Variants in GALK2 observed in about 807,000 individuals in gnomAD.
The protein encoded by GALK2 is N-acetylgalactosamine kinase.
In GALK2, 36 loss-of-function variants were observed where a neutral mutation model predicts 52.4. That is an observed-to-expected ratio of 0.69 (90% CI 0.53 to 0.91). GALK2 has a LOEUF of 0.91. Among genes scored for constraint, GALK2 ranks in the 40% least tolerant of loss-of-function variants. The pLI is 0.00. For missense variants in GALK2, 579 were observed against 559.1 expected, an observed-to-expected ratio of 1.04 and a Z score of -0.36; for synonymous variants, 176 against 199.1, an observed-to-expected ratio of 0.88 and a Z score of 0.98.
chr15:49,239,213 A>G lies in GALK2; in HGVS notation c.358-8A>G. 6.2e-7 allele frequency: 1 copy of G among 1,612,800 alleles called. No individual in the cohort carries two copies. Among genetic ancestry groups the G allele is most frequent in the Middle Eastern group, 1.7e-4 (1 of 6,060 alleles). ...AATTACTGTTGCTGTTTTTCCTTAT[A>G]TTCTTAGGAACACTTTGGTCTTAGT... On this transcript the variant is annotated splice_polypyrimidine_tract_variant and splice_region_variant and intron_variant, in intron 4 of 9. Transcript: ENST00000560031.
At chr15:49,156,412 TC>T in intron 1 of GALK2, 2 of 439,154 alleles carry the variant, frequency 4.6e-6, no homozygotes, top group Non-Finnish European at 4.4e-6. Flanking sequence ...CCTCTCTCGC[TC>T]CCAGGCACCC....
chr15:49,218,255 C>T (rs547554485), intron 3 of GALK2, among the ~76,000 whole-genome samples: 3 of 152,036 alleles, frequency 2.0e-5, no homozygotes, highest in African/African-American at 4.8e-5. Flanking sequence ...CTTTTCATTT[C>T]GCATGTTTGA....
At chr15:49,223,469 C>T (rs929880631) in intron 3 of GALK2, among the ~76,000 whole-genome samples, 1 of 152,086 alleles carries the variant, frequency 6.6e-6, no homozygotes, top group African/African-American at 2.4e-5. Flanking sequence ...TACAGATGAT[C>T]CCATCACCCA....
intron 3 of GALK2, among the ~76,000 whole-genome samples, chr15:49,350,089 T>C (rs1301791370): frequency 6.6e-6 from 1 of 152,198 alleles, no homozygotes; most frequent in Admixed American, 6.5e-5. Context: ...GTGTTGGCTT[T>C]CTGATATCCC....
intron 8 of GALK2, among the ~76,000 whole-genome samples, chr15:49,312,712 A>AT (rs2036093724): frequency 6.6e-6 from 1 of 152,210 alleles, no homozygotes; most frequent in Non-Finnish European, 1.5e-5. Context: ...AAGCAGGTAC[A>AT]TAGTGGACCC....
intron 1 of GALK2, among the ~76,000 whole-genome samples, chr15:49,191,966 A>G (rs537275857): frequency 1.3e-5 from 2 of 150,870 alleles, no homozygotes; most frequent in African/African-American, 2.4e-5. Context: ...TTTTTATTTT[A>G]TTCTATGGAT....
chr15:49,362,400 C>T (rs2044394963), intron 3 of GALK2, among the ~76,000 whole-genome samples: 2 of 152,186 alleles, frequency 1.3e-5, no homozygotes, highest in Admixed American at 1.3e-4. Context: ...AGTCATGCTT[C>T]CTGTTAAACC....
At chr15:49,183,918 G>T (rs184740677) in intron 1 of GALK2, among the ~76,000 whole-genome samples, 170 of 151,830 alleles carry the variant, frequency 1.1e-3, no homozygotes, top group Non-Finnish European at 2.2e-3. Flanking sequence ...ACCATGTGCT[G>T]AGGAGAGGAA....
intron 9 of GALK2, among the ~76,000 whole-genome samples, chr15:49,320,683 C>T (rs1381559257): frequency 6.6e-6 from 1 of 152,220 alleles, no homozygotes; most frequent in Non-Finnish European, 1.5e-5. Context: ...TCACAAATGG[C>T]CTGGGTAATC....
chr15:49,200,812 G>A (rs777858193), intron 1 of GALK2, among the ~76,000 whole-genome samples: 2 of 152,166 alleles, frequency 1.3e-5, no homozygotes, highest in Non-Finnish European at 2.9e-5. Context: ...AATGTAAAGA[G>A]ATTCTTCCCT....
At position 49,157,493 on chromosome 15, in the gene GALK2, C is replaced by T. The variant is rs1453073007; in HGVS notation, c.20+1477C>T. Among the ~76,000 whole-genome samples the T allele has an allele frequency of 6.6e-5, 10 of 152,048 alleles. No individual in the cohort carries two copies. In the East Asian group the frequency reaches 9.6e-4, roughly 15 times the overall value. The stretch of plus-strand genomic sequence containing the variant: ...TATAAAAAGTAATTAGTGGTGTTTA[C>T]GAAATGTTGGGAATTTCTGCTTTGA... On this transcript the variant is annotated intron_variant, in intron 1 of 9. Coordinates refer to the GALK2 transcript ENST00000327171.
chr15:49,251,618 G>A (rs1004436531), intron 5 of GALK2, among the ~76,000 whole-genome samples: 1 of 152,122 alleles, frequency 6.6e-6, no homozygotes, highest in Admixed American at 6.5e-5. Context: ...AGCTTGTCCA[G>A]CTTGTTTGAC....
chr15:49,212,767 C>T (rs1340537893), intron 2 of GALK2, among the ~76,000 whole-genome samples: 3 of 152,066 alleles, frequency 2.0e-5, no homozygotes, highest in African/African-American at 7.2e-5. Context: ...ACTGGTCATT[C>T]AGGAGCATAT....
At chr15:49,182,850 A>G (rs1006845795) in intron 1 of GALK2, among the ~76,000 whole-genome samples, 6 of 152,172 alleles carry the variant, frequency 3.9e-5, no homozygotes, top group East Asian at 1.9e-4. Flanking sequence ...ATTTTTTCCT[A>G]TTACATTGTT....
rs1472330000 is a variant in GALK2 at position 49,235,043 on chromosome 15, G to A, written c.267-808G>A. On this transcript the variant is annotated intron_variant, in intron 3 of 9. Coordinates refer to ENST00000560031, the MANE Select transcript of GALK2 (RefSeq NM_002044.4). ...GCCTCCCAAAGTGCTGAGATTAGAG[G>A]TGTGAGCTGCTGCGCCTGGCCCAGA... Among the ~76,000 whole-genome samples the A allele has an allele frequency of 2.6e-5, 4 of 152,266 alleles. No homozygotes were observed. The South Asian group carries it at 8.3e-4, about 32-fold the overall frequency.
intron 3 of GALK2, among the ~76,000 whole-genome samples, chr15:49,362,131 A>G (rs1452495828): frequency 6.6e-6 from 1 of 151,980 alleles, no homozygotes; most frequent in African/African-American, 2.4e-5. Flanking sequence ...CCTTATTAAC[A>G]TAGTTTGGCT....
chr15:49,292,220 A>G, intron 7 of GALK2, 107 bp from the exon 8 acceptor site: 1 of 1,012,548 alleles, frequency 9.9e-7, no homozygotes, highest in Non-Finnish European at 1.5e-6. Flanking sequence ...GTTGAAAGGA[A>G]AACAACAACA....
intron 1 of GALK2, among the ~76,000 whole-genome samples, chr15:49,200,179 C>T (rs2141300312): frequency 6.6e-6 from 1 of 152,128 alleles, no homozygotes; most frequent in South Asian, 2.1e-4. Context: ...AAATATATTA[C>T]AAGAATTTTG....
intron 5 of GALK2, among the ~76,000 whole-genome samples, chr15:49,273,291 T>C (rs188985338): frequency 5.3e-5 from 8 of 152,156 alleles, no homozygotes; most frequent in African/African-American, 1.9e-4. Flanking sequence ...CTCCTCACTG[T>C]TGTTGTTTTT....
Sources: allele counts gnomAD v4.1 joint callset (sites outside exome capture counted in the v4.1 genomes callset), GRCh38; gene constraint gnomAD v4.1.1; transcripts MANE v1.5; gene names NCBI Gene and HGNC (gene_info 2026-07-23, HGNC 2026-07-21).